The following GALNT17 variants were observed in gnomAD, a reference collection of about 807,000 sequenced individuals.
GALNT17 encodes polypeptide N-acetylgalactosaminyltransferase 17, also known as UDP-GalNAc:polypeptide N-acetylgalactosaminyltransferase-like 3.
A neutral mutation model predicts 63.7 loss-of-function variants in GALNT17; 29 were observed. That is an observed-to-expected ratio of 0.46 (90% CI 0.34 to 0.62). GALNT17 has a LOEUF of 0.62. Among genes scored for constraint, GALNT17 ranks in the 20% least tolerant of loss-of-function variants. The probability of loss-of-function intolerance (pLI) is 0.01; values close to 1 mark genes in which losing one functional copy is unlikely to be tolerated. For synonymous variants in GALNT17, 305 were observed against 318.3 expected (o/e 0.96, Z 0.45); for missense variants, 603 against 799.6 (o/e 0.75, Z 2.97).
At chr7:71,687,970 T>A (rs1791387105) in intron 9 of GALNT17, among the ~76,000 whole-genome samples, 1 of 152,068 alleles carries the variant, frequency 6.6e-6, no homozygotes, top group South Asian at 2.1e-4. Flanking sequence ...AGTGCTGGGA[T>A]TACAAGTATG....
At chr7:71,462,813 A>G (rs767752302) in intron 5 of GALNT17, among the ~76,000 whole-genome samples, 12 of 152,154 alleles carry the variant, frequency 7.9e-5, no homozygotes, top group Non-Finnish European at 1.6e-4. Context: ...CTTTGAATAG[A>G]ATGGGAGGCA....
intron 6 of GALNT17, among the ~76,000 whole-genome samples, chr7:71,618,231 G>A (rs575465187): frequency 6.6e-6 from 1 of 152,128 alleles, no homozygotes; most frequent in Non-Finnish European, 1.5e-5. Flanking sequence ...GGGCTCTTGG[G>A]TTGACCATGT....
At position 71,647,035 on chromosome 7, in the gene GALNT17, C is replaced by G. The variant is rs554181154; in HGVS notation, c.1081-18376C>G. ...TGCTGGGATTACAGGCTTGAGCCAC[C>G]GCCCCTGGCCCAATTTTGCTATTTT... On this transcript the variant is annotated intron_variant, in intron 6 of 10. Transcript: ENST00000333538. Among the ~76,000 whole-genome samples the G allele has an allele frequency of 3.4e-4, 51 of 151,162 alleles. 1 individual carries two copies. The highest frequency in any genetic ancestry group is 1.1e-3 in the African/African-American group (46 of 41,138).
At chr7:71,133,168 C>T in intron 1 of GALNT17, 128 bp downstream of exon 1, 1 of 776,734 alleles carries the variant, frequency 1.3e-6, no homozygotes, top group South Asian at 2.0e-5. Flanking sequence ...CGCGCTCCTT[C>T]TTACCCTTCC....
rs537837850 is a variant in GALNT17, at chr7:71,627,501, A to G, written c.1081-37910A>G. On this transcript the variant is annotated intron_variant, in intron 6 of 10. Coordinates refer to ENST00000333538, the MANE Select transcript of GALNT17 (RefSeq NM_022479.3). ...GCCATGGCTGCCTTGAGATACCCCA[A>G]TGGCGGGCAGTGGGCAGTCAAAGGG... Among the ~76,000 whole-genome samples, 8 of 152,276 alleles carry G rather than the reference A, an allele frequency of 5.3e-5. No individual in the cohort carries two copies. The East Asian group carries it at 1.4e-3, about 26-fold the overall frequency.
At chr7:71,687,770 G>C (rs1316263380) in intron 9 of GALNT17, among the ~76,000 whole-genome samples, 2 of 152,106 alleles carry the variant, frequency 1.3e-5, no homozygotes, top group East Asian at 3.8e-4. Context: ...ACAAGGTCTT[G>C]CTCTGTCACC....
chr7:71,187,493 T>C (rs1024246142), intron 1 of GALNT17, among the ~76,000 whole-genome samples: 2 of 152,142 alleles, frequency 1.3e-5, no homozygotes, highest in African/African-American at 4.8e-5. Context: ...GCTTCGTTTG[T>C]TCGTATCATT....
chr7:71,486,285 T>A (rs960488077), intron 5 of GALNT17, among the ~76,000 whole-genome samples: 2 of 151,074 alleles, frequency 1.3e-5, no homozygotes, highest in South Asian at 2.1e-4. Context: ...TGAGCTGTGA[T>A]CACACCACTG....
At chr7:71,192,634 G>C (rs1414294089) in intron 1 of GALNT17, among the ~76,000 whole-genome samples, 1 of 152,092 alleles carries the variant, frequency 6.6e-6, no homozygotes, top group Non-Finnish European at 1.5e-5. Context: ...GACCTCATGT[G>C]AGCCACCCAC....
intron 6 of GALNT17, among the ~76,000 whole-genome samples, chr7:71,615,351 G>A (rs1046735481): frequency 1.3e-5 from 2 of 151,940 alleles, no homozygotes; most frequent in African/African-American, 4.8e-5. Context: ...ATCTGCCAGC[G>A]AGACCTCCGA....
At chr7:71,594,654 C>A (rs939822563) in intron 6 of GALNT17, among the ~76,000 whole-genome samples, 3 of 152,100 alleles carry the variant, frequency 2.0e-5, no homozygotes, top group Non-Finnish European at 4.4e-5. Flanking sequence ...TATGCTCAGG[C>A]AGAAGGGGAG....
intron 1 of GALNT17, among the ~76,000 whole-genome samples, chr7:71,317,577 G>A (rs538946132): frequency 2.0e-5 from 3 of 152,224 alleles, no homozygotes; most frequent in Non-Finnish European, 2.9e-5. Flanking sequence ...CTGCTCTGGG[G>A]GGATCATGGC....
chr7:71,708,350 G>A (rs1791748560), intron 9 of GALNT17, among the ~76,000 whole-genome samples: 1 of 152,114 alleles, frequency 6.6e-6, no homozygotes, highest in Non-Finnish European at 1.5e-5. Flanking sequence ...GAGAGCATGT[G>A]CAGGGGAACT....
intron 1 of GALNT17, among the ~76,000 whole-genome samples, chr7:71,293,041 G>A (rs1314485342): frequency 2.0e-5 from 3 of 151,376 alleles, no homozygotes; most frequent in Non-Finnish European, 2.9e-5. Flanking sequence ...TTGTTGAAGG[G>A]TGAATGCTAT....
chr7:71,362,758 C>T (rs2116236894), intron 2 of GALNT17, among the ~76,000 whole-genome samples: 1 of 152,268 alleles, frequency 6.6e-6, no homozygotes, highest in Non-Finnish European at 1.5e-5. Context: ...CTAACCCTGC[C>T]CCGCTGAAAG....
intron 1 of GALNT17, among the ~76,000 whole-genome samples, chr7:71,276,251 A>C (rs1790679361): frequency 6.6e-6 from 1 of 152,180 alleles, no homozygotes; most frequent in Admixed American, 6.5e-5. Flanking sequence ...GGGGTGGTCC[A>C]TAAGAGTGAG....
At chr7:71,169,969 C>T (rs1461207280) in intron 1 of GALNT17, among the ~76,000 whole-genome samples, 2 of 150,854 alleles carry the variant, frequency 1.3e-5, no homozygotes, top group Non-Finnish European at 2.9e-5. Context: ...ATCTTACCTT[C>T]ATCATTTTTT....
At chr7:71,240,625 G>A (rs1027187025) in intron 1 of GALNT17, among the ~76,000 whole-genome samples, 2 of 151,660 alleles carry the variant, frequency 1.3e-5, no homozygotes, top group African/African-American at 4.8e-5. Flanking sequence ...TTTTATGCCT[G>A]TCTAGTATTC....
rs183872318 is a variant in GALNT17, at chr7:71,338,715, A to G, written c.422+2982A>G. Among the ~76,000 whole-genome samples, 411 of 152,310 alleles carry G rather than the reference A, an allele frequency of 2.7e-3. 1 individual carries two copies. The highest frequency in any genetic ancestry group is 5.0e-3 in the Non-Finnish European group (340 of 68,026). ...TTCTCAAACAGATTCTCCATTTTCT[A>G]TTAGATTTGTAGTGTCTCTCTTTTT... On this transcript the variant is annotated intron_variant, in intron 2 of 10. Coordinates refer to ENST00000333538, the MANE Select transcript of GALNT17 (RefSeq NM_022479.3).
Sources: gnomAD v4.1 joint callset for allele counts (sites outside exome capture counted in the v4.1 genomes callset) on GRCh38, gnomAD v4.1.1 for gene constraint, MANE v1.5 for transcripts, NCBI Gene and HGNC (gene_info 2026-07-23, HGNC 2026-07-21) for gene names.